The following EXOC3L4 variants were observed in gnomAD, a reference collection of about 807,000 sequenced individuals.
EXOC3L4 encodes exocyst complex component 3-like protein 4.
Under a neutral mutation model 69.7 loss-of-function variants are expected in EXOC3L4, and 62 were observed. The ratio of observed to expected loss-of-function variants is 0.89; its 90% CI spans 0.72 to 1.10. EXOC3L4 has a LOEUF of 1.10. Among genes scored for constraint, EXOC3L4 ranks in the 50% least tolerant of loss-of-function variants. The pLI is 0.00. For missense variants in EXOC3L4, 1,087 were observed against 1,034.8 expected, an observed-to-expected ratio of 1.05 and a Z score of -0.69; for synonymous variants, 502 against 464.2, an observed-to-expected ratio of 1.08 and a Z score of -1.05.
rs1204357615 is a variant in EXOC3L4 at position 103,100,282 on chromosome 14, G to A, written c.63G>A (p.Glu21=). 4.4e-6 allele frequency: 7 copies of A among 1,578,798 alleles called. No individual in the cohort carries two copies. The highest frequency in any genetic ancestry group is 2.3e-5 in the East Asian group (1 of 43,436). Residue 21 remains glutamate, a synonymous_variant, in exon 2 of 12, where the codon GAG becomes GAA. Transcript: ENST00000688303. ...TGCAGAGTCCCAAGGAGGCTGAGGAGCCACAGACTCCAGCTCAGGGCTCCC... is the reference window on the plus strand; with the variant it reads ...TGCAGAGTCCCAAGGAGGCTGAGGAACCACAGACTCCAGCTCAGGGCTCCC... ...PELQSPKEAE[E]PQTPAQGSRR...
At position 103,097,610 on chromosome 14, in the gene EXOC3L4, C is replaced by T. The variant is rs73356622; in HGVS notation, c.-16-2594C>T. Among the ~76,000 whole-genome samples the T allele has an allele frequency of 1.1e-4, 16 of 152,038 alleles. No homozygotes were observed. The highest frequency in any genetic ancestry group is 2.7e-4 in the African/African-American group (11 of 41,338). ...CTTCCAGGCTGTGCTCAGGGGTGAC[C>T]GGGGTAGATGGACAGAGGCTGCCAG... On this transcript the variant is annotated intron_variant, in intron 1 of 11. Transcript: ENST00000688303. The surrounding 1 kb of genome is among the most constrained non-coding windows in gnomAD (Gnocchi z 4.9).
At chr14:103,099,674 C>A (rs1890066267) in intron 1 of EXOC3L4, among the ~76,000 whole-genome samples, 1 of 152,190 alleles carries the variant, frequency 6.6e-6, no homozygotes, top group African/African-American at 2.4e-5. Flanking sequence ...GGGGTCCCTG[C>A]CCTCCCCGTT....
chr14:103,110,053 C>G lies in EXOC3L4; in HGVS notation c.1999C>G (p.Leu667Val), dbSNP rs760213756. ...DIRRDHILAI[L>V]ALRRLGRQRN... ...CAGGCGGGACCACATACTGGCCATT[C>G]TGGCGCTGCGCCGACTGGGCCGCCA... The change falls in exon 12 of 12, where the codon CTG (leucine) becomes GTG (valine). Residue 667 changes from leucine to valine, a missense_variant. By Grantham distance (32) the Leu-to-Val change is conservative. Coordinates refer to ENST00000688303, the MANE Select transcript of EXOC3L4 (RefSeq NM_001077594.2). 3.1e-6 allele frequency: 5 copies of G among 1,600,408 alleles called. No homozygotes were observed. The African/African-American group carries it at 5.3e-5, about 17-fold the overall frequency.
At chr14:103,096,159 C>G (rs2139456953) in intron 1 of EXOC3L4, among the ~76,000 whole-genome samples, 1 of 152,208 alleles carries the variant, frequency 6.6e-6, no homozygotes, top group East Asian at 1.9e-4. Context: ...TGAGACCAGC[C>G]TGGGCACACA....
In EXOC3L4 at chr14:103,102,302, C is replaced by T. The variant is rs375844011; in HGVS notation, c.579C>T (p.Ile193=). 20 of 1,571,054 alleles carry T rather than the reference C, an allele frequency of 1.3e-5. No homozygotes were observed. Among genetic ancestry groups the T allele is most frequent in the Non-Finnish European group, 1.6e-5 (19 of 1,164,220 alleles). ...TTTACGACGGGCTGGCAGCCGAGAT[C>T]GGCGCCATCGTGCGCGAGACGCTGG... ...CLLYDGLAAE[I]GAIVRETLDS... Residue 193 remains isoleucine (I), a synonymous_variant, in exon 3 of 12, where the codon ATC becomes ATT. Transcript: ENST00000688303.
chr14:103,095,611 A>G (rs1357772096), intron 1 of EXOC3L4, among the ~76,000 whole-genome samples: 23 of 152,206 alleles, frequency 1.5e-4, no homozygotes, highest in Non-Finnish European at 2.9e-5. Flanking sequence ...CAGAGGGGTC[A>G]TTAGGAGAGG....
At position 103,102,288 on chromosome 14, in the gene EXOC3L4, C is replaced by A; in HGVS notation, c.565C>A (p.Leu189Met). ...AMDVCLLYDGLAAEIGAIVRE... is the reference protein window; with the variant it reads ...AMDVCLLYDGMAAEIGAIVRE... ...GGACGTGTGCCTGCTTTACGACGGGCTGGCAGCCGAGATCGGCGCCATCGT... is the reference window on the plus strand; with the variant it reads ...GGACGTGTGCCTGCTTTACGACGGGATGGCAGCCGAGATCGGCGCCATCGT... Residue 189 changes from leucine to methionine, a missense_variant, in exon 3 of 12, where the codon CTG becomes ATG. Physicochemically the swap from Leu to Met is conservative, Grantham distance 15. Transcript: ENST00000688303. 6.3e-7 allele frequency: 1 copy of A among 1,577,286 alleles called. No individual in the cohort carries two copies. Among genetic ancestry groups the A allele is most frequent in the Non-Finnish European group, 8.6e-7 (1 of 1,166,410 alleles).
chr14:103,101,195 G>C (rs970417094), intron 2 of EXOC3L4, among the ~76,000 whole-genome samples: 2 of 151,874 alleles, frequency 1.3e-5, no homozygotes, highest in African/African-American at 4.8e-5. Flanking sequence ...GTGAACCACT[G>C]TGCCTGGCCT....
rs766911626 is a variant in EXOC3L4, at chr14:103,100,497, A to C, written c.278A>C (p.Asp93Ala). 8.7e-5 allele frequency: 140 copies of C among 1,612,974 alleles called. No homozygotes were observed. Among genetic ancestry groups the C allele is most frequent in the Non-Finnish European group, 1.1e-4 (133 of 1,179,900 alleles). The change falls in exon 2 of 12, where the codon GAC becomes GCC. Residue 93 changes from aspartate (D) to alanine (A), a missense_variant. By Grantham distance (126) the Asp-to-Ala change is moderately radical (BLOSUM62 -2). Coordinates refer to ENST00000688303, the MANE Select transcript of EXOC3L4 (RefSeq NM_001077594.2). ...LFRSFRQALN[D>A]GPATGHSQAT... ...CGGTCCTTCCGGCAAGCCCTGAATG[A>C]CGGCCCAGCTACCGGCCATTCCCAG...
chr14:103,100,980 G>A (rs1003643878), intron 2 of EXOC3L4, among the ~76,000 whole-genome samples: 2 of 148,074 alleles, frequency 1.4e-5, no homozygotes, highest in Non-Finnish European at 3.0e-5. Context: ...TTGGCTCACT[G>A]CAACCTCCAC....
intron 5 of EXOC3L4, 84 bp downstream of exon 5, chr14:103,104,473 C>T (rs756253676): frequency 5.7e-6 from 8 of 1,413,056 alleles, no homozygotes; most frequent in African/African-American, 1.5e-5. Context: ...GAATTCCTAT[C>T]CAGTCCCAAC....
At chr14:103,103,354 C>CAAAAAAAAAAAAAAAA (rs3070496) in intron 3 of EXOC3L4, among the ~76,000 whole-genome samples, 1 of 94,894 alleles carries the variant, frequency 1.1e-5, no homozygotes, top group African/African-American at 4.1e-5. Flanking sequence ...GACTCTGTCT[C>CAAAAAAAAAAAAAAAA]AAAAAAAAAA....
chr14:103,102,939 G>GGGC (rs1890293339), intron 3 of EXOC3L4, among the ~76,000 whole-genome samples, 167 bp downstream of exon 3: 2 of 152,226 alleles, frequency 1.3e-5, no homozygotes, highest in South Asian at 4.1e-4. Flanking sequence ...TTAGGCCGTG[G>GGGC]GGCGCTCCCG....
In EXOC3L4 at chr14:103,099,389, T is replaced by C. The variant is rs1275354470; in HGVS notation, c.-16-815T>C. On this transcript the variant is annotated intron_variant, in intron 1 of 11. Transcript: ENST00000688303. ...CGCAGCTCAGCCACCCCCATGTCCC[T>C]GGGACACCCCCTCCATTCCCTGTGT... is the stretch of plus-strand genomic sequence containing the variant. 2.0e-5 allele frequency among the ~76,000 whole-genome samples: 3 copies of C among 152,170 alleles called. No individual in the cohort carries two copies. The East Asian group carries it at 5.8e-4, about 29-fold the overall frequency.
chr14:103,100,500 G>A lies in EXOC3L4; in HGVS notation c.281G>A (p.Gly94Asp). Residue 94 changes from glycine (G) to aspartate (D), a missense_variant, in exon 2 of 12, where the codon GGC becomes GAC. Coordinates refer to ENST00000688303, the MANE Select transcript of EXOC3L4 (RefSeq NM_001077594.2). ...FRSFRQALND[G>D]PATGHSQATP... Reference sequence around the variant, plus strand: ...TCCTTCCGGCAAGCCCTGAATGACGGCCCAGCTACCGGCCATTCCCAGGCC... The same window carrying A: ...TCCTTCCGGCAAGCCCTGAATGACGACCCAGCTACCGGCCATTCCCAGGCC... 1 of 1,613,008 alleles carries A rather than the reference G, an allele frequency of 6.2e-7. No homozygotes were observed. The highest frequency in any genetic ancestry group is 8.5e-7 in the Non-Finnish European group (1 of 1,179,858).
Position 103,106,840 on chromosome 14 carries a change from G to C in EXOC3L4, c.1522G>C (p.Val508Leu), listed in dbSNP as rs1257270033. The C allele has an allele frequency of 6.3e-7, 1 of 1,596,358 alleles. No homozygotes were observed. Among genetic ancestry groups the C allele is most frequent in the Admixed American group, 1.7e-5 (1 of 57,828 alleles). The part of the protein sequence containing the change: ...GTQEELEKPL[V>L]TATCSFQKHL... ...CCAAGAGGAGCTGGAGAAGCCCCTG[G>C]TGACGGCCACCTGCAGCTTCCAGAA... The change falls in exon 8 of 12, where the codon GTG becomes CTG. Residue 508 changes from valine to leucine, a missense_variant. Coordinates refer to ENST00000688303, the MANE Select transcript of EXOC3L4 (RefSeq NM_001077594.2).
intron 1 of EXOC3L4, among the ~76,000 whole-genome samples, chr14:103,095,108 C>T (rs1215244414): frequency 6.6e-6 from 1 of 152,192 alleles, no homozygotes; most frequent in Non-Finnish European, 1.5e-5. Flanking sequence ...ACTGGCAGAC[C>T]CTCTGGGGAC....
At position 103,100,423 on chromosome 14, in the gene EXOC3L4, C is replaced by T. The variant is rs779010633; in HGVS notation, c.204C>T (p.Val68=). The T allele has an allele frequency of 1.2e-6, 2 of 1,612,976 alleles. No homozygotes were observed. Among genetic ancestry groups the T allele is most frequent in the African/African-American group, 1.3e-5 (1 of 74,946 alleles). Residue 68 remains valine (V), a synonymous_variant, in exon 2 of 12, where the codon GTC becomes GTT. Transcript: ENST00000688303. Reference sequence around the variant, plus strand: ...CCAGCCAGCGGGCTTTGACCCAGGTCTCCAAGGAAGATACGGGCCTGTTCC... The same window carrying T: ...CCAGCCAGCGGGCTTTGACCCAGGTTTCCAAGGAAGATACGGGCCTGTTCC... ...SRASQRALTQ[V]SKEDTGLFRR... is the part of the protein sequence containing the mutation.
intron 10 of EXOC3L4, 47 bp downstream of exon 10, chr14:103,107,830 G>A: frequency 1.4e-6 from 2 of 1,466,336 alleles, no homozygotes; most frequent in South Asian, 1.4e-5. Context: ...TGTGTGGGGA[G>A]TGGTGGCAGT....
Sources: allele counts gnomAD v4.1 joint callset (sites outside exome capture counted in the v4.1 genomes callset), GRCh38; gene constraint gnomAD v4.1.1; non-coding constraint Gnocchi (gnomAD v3.1); transcripts MANE v1.5; gene names NCBI Gene and HGNC (gene_info 2026-07-23, HGNC 2026-07-21).